Variants in THSD4 observed in about 807,000 individuals in gnomAD.
THSD4 encodes thrombospondin type-1 domain-containing protein 4.
In THSD4, 69 loss-of-function variants were observed where a neutral mutation model predicts 119.0. The ratio of observed to expected loss-of-function variants is 0.58; its 90% confidence interval spans 0.48 to 0.71. The LOEUF (loss-of-function observed/expected upper bound fraction) is 0.71. Ranked by LOEUF, THSD4 falls within the 30% of genes least tolerant of loss-of-function variation. The probability of loss-of-function intolerance (pLI) is 0.00; values close to 1 mark genes in which losing one functional copy is unlikely to be tolerated. For synonymous variants in THSD4, 524 were observed against 540.4 expected (o/e 0.97, Z 0.42); for missense variants, 1,393 against 1,391.1 (o/e 1.00, Z -0.02).
At position 71,240,798 on chromosome 15, in the gene THSD4, TACACACACACACACACAC is replaced by T. The variant is rs58462444; in HGVS notation, c.465-1827_465-1810del. ...TATCCAAGTTTTATATATATGTGTA[TACACACACACACACACAC>T]ACACACACACACACACACACACATA... On this transcript the variant is annotated intron_variant, in intron 4 of 17. Transcript: ENST00000261862. 2.3e-3 allele frequency among the ~76,000 whole-genome samples: 335 copies of T among 145,610 alleles called. 4 individuals are homozygous for T. Among genetic ancestry groups the T allele is most frequent in the African/African-American group, 8.1e-3 (322 of 39,524 alleles).
intron 7 of THSD4, among the ~76,000 whole-genome samples, chr15:71,489,050 C>G (rs2047869681): frequency 6.6e-6 from 1 of 152,202 alleles, no homozygotes; most frequent in Admixed American, 6.5e-5. Flanking sequence ...TCTCCCATCA[C>G]CTTTCTGTTG....
intron 14 of THSD4, among the ~76,000 whole-genome samples, chr15:71,754,957 G>A (rs551480966): frequency 1.3e-5 from 2 of 152,322 alleles, no homozygotes; most frequent in Admixed American, 1.3e-4. Flanking sequence ...AAATATGGGG[G>A]AAATTGACAG....
At chr15:71,707,646 G>C (rs1338030489) in intron 8 of THSD4, among the ~76,000 whole-genome samples, 3 of 151,692 alleles carry the variant, frequency 2.0e-5, no homozygotes, top group African/African-American at 7.3e-5. Context: ...TTATCTCTTG[G>C]GCCCTTTTGA....
At chr15:71,348,682 C>G (rs191035503) in intron 6 of THSD4, among the ~76,000 whole-genome samples, 66 of 152,358 alleles carry the variant, frequency 4.3e-4, no homozygotes, top group Admixed American at 3.7e-3. Context: ...ACTTATGCTT[C>G]CCAATACAAA....
At chr15:71,627,863 C>T (rs1178392329) in intron 7 of THSD4, among the ~76,000 whole-genome samples, 2 of 152,132 alleles carry the variant, frequency 1.3e-5, no homozygotes, top group African/African-American at 4.8e-5. Context: ...TTGGTTTTCA[C>T]AATGAACAGG....
intron 6 of THSD4, among the ~76,000 whole-genome samples, chr15:71,315,606 T>C (rs550881264): frequency 1.3e-5 from 2 of 152,342 alleles, no homozygotes; most frequent in Non-Finnish European, 2.9e-5. Flanking sequence ...CCAACAAATA[T>C]ATTTTTATTT....
At chr15:71,141,061 T>TG (rs2040598890) in intron 1 of THSD4, among the ~76,000 whole-genome samples, 1 of 152,266 alleles carries the variant, frequency 6.6e-6, no homozygotes, top group African/African-American at 2.4e-5. Flanking sequence ...AGACAATATT[T>TG]TTACTCAACT....
At chr15:71,397,489 G>A (rs767050135) in intron 6 of THSD4, among the ~76,000 whole-genome samples, 5 of 152,218 alleles carry the variant, frequency 3.3e-5, no homozygotes, top group Non-Finnish European at 7.3e-5. Flanking sequence ...CAGGGACTCT[G>A]TCTTAGTAAT....
chr15:71,350,939 A>G (rs1198268195), intron 6 of THSD4, among the ~76,000 whole-genome samples: 1 of 152,184 alleles, frequency 6.6e-6, no homozygotes, highest in African/African-American at 2.4e-5. Flanking sequence ...GACCTGATAC[A>G]TGAGACCACT....
intron 7 of THSD4, among the ~76,000 whole-genome samples, chr15:71,471,251 C>CT (rs1343028877): frequency 6.6e-6 from 1 of 152,078 alleles, no homozygotes; most frequent in Non-Finnish European, 1.5e-5. Flanking sequence ...CCTCTGCATG[C>CT]TAAGGTTCAG....
At chr15:71,536,937 A>G (rs2048695719) in intron 7 of THSD4, among the ~76,000 whole-genome samples, 1 of 152,156 alleles carries the variant, frequency 6.6e-6, no homozygotes, top group Non-Finnish European at 1.5e-5. Flanking sequence ...TGTAACATCA[A>G]AATGTTGTTA....
intron 6 of THSD4, among the ~76,000 whole-genome samples, chr15:71,359,019 C>G (rs2045858832): frequency 6.6e-6 from 1 of 152,196 alleles, no homozygotes; most frequent in Non-Finnish European, 1.5e-5. Flanking sequence ...GCAAAGCTGG[C>G]TGTGTAATGG....
chr15:71,525,392 T>G (rs747152209), intron 7 of THSD4, among the ~76,000 whole-genome samples: 3 of 152,118 alleles, frequency 2.0e-5, no homozygotes, highest in Non-Finnish European at 2.9e-5. Context: ...ACATGTTGGA[T>G]TTGAAACATT....
chr15:71,612,567 C>G (rs1445004082), intron 7 of THSD4, among the ~76,000 whole-genome samples: 3 of 152,116 alleles, frequency 2.0e-5, no homozygotes, highest in African/African-American at 7.2e-5. Flanking sequence ...GGATGGGTTC[C>G]GTGCTGCAGC....
chr15:71,587,903 C>T (rs1778880020), intron 7 of THSD4, among the ~76,000 whole-genome samples: 1 of 151,126 alleles, frequency 6.6e-6, no homozygotes, highest in Non-Finnish European at 1.5e-5. Flanking sequence ...TGAGGTAACA[C>T]ACCCAGTGGC....
chr15:71,184,415 CCG>C (rs1386253360), intron 3 of THSD4, among the ~76,000 whole-genome samples: 9 of 151,852 alleles, frequency 5.9e-5, no homozygotes, highest in Non-Finnish European at 1.0e-4. Flanking sequence ...TCTCCATGCC[CCG>C]TGCCCTTGTT....
chr15:71,738,065 G>T (rs778992962), intron 11 of THSD4, 58 bp downstream of exon 11: 4 of 1,594,334 alleles, frequency 2.5e-6, no homozygotes, highest in Non-Finnish European at 3.4e-6. Flanking sequence ...GGAGTGTGTG[G>T]GTGGCCCAAG....
chr15:71,220,828 G>A (rs1478220736), intron 4 of THSD4, among the ~76,000 whole-genome samples: 1 of 152,198 alleles, frequency 6.6e-6, no homozygotes, highest in African/African-American at 2.4e-5. Context: ...AGACCCTAGT[G>A]TCTGTGCTCC....
chr15:71,111,174 G>A (rs759123440), upstream of THSD4: 10 of 1,611,858 alleles, frequency 6.2e-6, no homozygotes, highest in Non-Finnish European at 5.9e-6. Flanking sequence ...CCAGATGTGG[G>A]GTGAGAAAGA....
Sources: gnomAD v4.1 joint callset for allele counts (sites outside exome capture counted in the v4.1 genomes callset) on GRCh38, gnomAD v4.1.1 for gene constraint, MANE v1.5 for transcripts, NCBI Gene and HGNC (gene_info 2026-07-23, HGNC 2026-07-21) for gene names.